PRKAR2B: variants seen among roughly 807,000 people sequenced by gnomAD.
PRKAR2B encodes the protein protein kinase cAMP-dependent type II regulatory subunit beta.
PRKAR2B carries 14 observed loss-of-function variants against 49.9 expected under a neutral mutation model. The observed-to-expected ratio is 0.28, with a 90% CI of 0.19 to 0.44. The LOEUF (loss-of-function observed/expected upper bound fraction) is 0.44. PRKAR2B is among the 20% of genes least tolerant of loss of function. The pLI is 1.00. For synonymous variants in PRKAR2B, 196 were observed against 197.7 expected (o/e 0.99, Z 0.07); for missense variants, 393 against 537.9 (o/e 0.73, Z 2.67).
chr7:107,155,232 T>C (rs564605843), intron 8 of PRKAR2B, among the ~76,000 whole-genome samples: 21 of 152,270 alleles, frequency 1.4e-4, no homozygotes, highest in African/African-American at 5.1e-4. Flanking sequence ...TTCTTGGTTT[T>C]TTAGCAGAAA....
At position 107,157,334 on chromosome 7, in the gene PRKAR2B, G is replaced by T. The variant is rs753654161; in HGVS notation, c.1123+10G>T. ...ACTGTCAAATGTTTAGGTAGGGATT[G>T]CAACAGTGGGCGTGCTTCTGCTGGT... On this transcript the variant is annotated intron_variant, in intron 10 of 10. Transcript: ENST00000265717. 6.2e-7 allele frequency: 1 copy of T among 1,605,344 alleles called. No individual in the cohort carries two copies. Among genetic ancestry groups the T allele is most frequent in the East Asian group, 2.2e-5 (1 of 44,744 alleles).
chr7:107,104,147 T>C (rs187149782), intron 2 of PRKAR2B, among the ~76,000 whole-genome samples: 5 of 152,344 alleles, frequency 3.3e-5, no homozygotes, highest in African/African-American at 9.6e-5. Flanking sequence ...TTCTCCTGCC[T>C]CAGCCTCCCA....
chr7:107,100,690 C>T (rs913995931), intron 2 of PRKAR2B, among the ~76,000 whole-genome samples: 3 of 151,926 alleles, frequency 2.0e-5, no homozygotes, highest in Non-Finnish European at 2.9e-5. Flanking sequence ...TCTTTTTTTC[C>T]GTTTTTCAAA....
intron 2 of PRKAR2B, among the ~76,000 whole-genome samples, chr7:107,073,941 A>G (rs565097422): frequency 5.3e-5 from 8 of 152,154 alleles, no homozygotes; most frequent in Non-Finnish European, 1.2e-4. Context: ...GCGTGCCTAT[A>G]GTCCCAGTTA....
At chr7:107,106,204 C>G (rs1795069340) in intron 2 of PRKAR2B, among the ~76,000 whole-genome samples, 1 of 152,216 alleles carries the variant, frequency 6.6e-6, no homozygotes, top group Non-Finnish European at 1.5e-5. Context: ...AGCCTAACCA[C>G]ACACTTTTCC....
chr7:107,109,816 A>G (rs1795140143), intron 2 of PRKAR2B, among the ~76,000 whole-genome samples: 1 of 152,150 alleles, frequency 6.6e-6, no homozygotes, highest in Non-Finnish European at 1.5e-5. Flanking sequence ...GTCATTAGAT[A>G]CTCCTGTAAA....
chr7:107,144,570 C>T (rs1407595068), intron 5 of PRKAR2B, among the ~76,000 whole-genome samples: 1 of 152,092 alleles, frequency 6.6e-6, no homozygotes, highest in Non-Finnish European at 1.5e-5. Flanking sequence ...AAGCGATCCT[C>T]TTGCCTCAGC....
chr7:107,145,687 G>A (rs537137492), intron 5 of PRKAR2B, among the ~76,000 whole-genome samples: 1 of 149,570 alleles, frequency 6.7e-6, no homozygotes, highest in Non-Finnish European at 1.5e-5. Flanking sequence ...CCAAATTGCT[G>A]GAATTACAGA....
chr7:107,152,077 A>G (rs1272142931), intron 7 of PRKAR2B, among the ~76,000 whole-genome samples: 1 of 152,190 alleles, frequency 6.6e-6, no homozygotes. Flanking sequence ...TTCCCCGCAG[A>G]TGGCAACATA....
chr7:107,141,154 AG>A (rs1173645797), intron 5 of PRKAR2B, among the ~76,000 whole-genome samples: 3 of 152,208 alleles, frequency 2.0e-5, no homozygotes, highest in Non-Finnish European at 4.4e-5. Context: ...TAGTTTATAG[AG>A]GAACTAATGA....
At chr7:107,066,512 G>A (rs1048259084) in intron 1 of PRKAR2B, 29 of 152,128 alleles carry the variant, frequency 1.9e-4, no homozygotes, top group African/African-American at 6.5e-4. Flanking sequence ...CTAAATAAGC[G>A]TCAGTCTCTT....
chr7:107,131,265 A>C (rs746591394), intron 4 of PRKAR2B, among the ~76,000 whole-genome samples: 12 of 152,326 alleles, frequency 7.9e-5, no homozygotes, highest in Non-Finnish European at 1.6e-4. Flanking sequence ...AATCGTTGCT[A>C]ATTATGCTTT....
chr7:107,075,549 A>G (rs899923310), intron 2 of PRKAR2B, among the ~76,000 whole-genome samples: 1 of 151,940 alleles, frequency 6.6e-6, no homozygotes, highest in Non-Finnish European at 1.5e-5. Context: ...ACAGGTGTGC[A>G]CCACAATGCC....
At chr7:107,073,037 C>T (rs956502058) in intron 2 of PRKAR2B, among the ~76,000 whole-genome samples, 1 of 152,036 alleles carries the variant, frequency 6.6e-6, no homozygotes, top group African/African-American at 2.4e-5. Flanking sequence ...GCTATGTGTT[C>T]TATCATTGTT....
At chr7:107,124,805 G>T (rs1226091802) in intron 3 of PRKAR2B, among the ~76,000 whole-genome samples, 7 of 151,936 alleles carry the variant, frequency 4.6e-5, no homozygotes, top group African/African-American at 1.7e-4. Flanking sequence ...TAATGGAAAG[G>T]CAGCAGAAAT....
Position 107,146,404 on chromosome 7 carries a change from C to T in PRKAR2B, c.684C>T (p.Tyr228=), listed in dbSNP as rs1021704313. Residue 228 remains tyrosine, a synonymous_variant, in exon 6 of 11, where the codon TAC becomes TAT. Coordinates refer to ENST00000265717, the MANE Select transcript of PRKAR2B (RefSeq NM_002736.3). The stretch of plus-strand genomic sequence containing the variant: ...GTTTCGGCGAACTGGCCTTAATGTA[C>T]AATACACCCAGAGCAGCTACAATCA... ...RGSFGELALM[Y]NTPRAATITA... 14 of 1,614,156 alleles carry T rather than the reference C, an allele frequency of 8.7e-6. No individual in the cohort carries two copies. Among genetic ancestry groups the T allele is most frequent in the Non-Finnish European group, 1.2e-5 (14 of 1,180,014 alleles).
At chr7:107,051,698 G>A (rs1793807128) in intron 1 of PRKAR2B, among the ~76,000 whole-genome samples, 1 of 151,962 alleles carries the variant, frequency 6.6e-6, no homozygotes, top group African/African-American at 2.4e-5. Context: ...ATTTATAAAT[G>A]TTTCAGCAAT....
chr7:107,082,849 C>T (rs745491248), intron 2 of PRKAR2B, among the ~76,000 whole-genome samples: 17 of 152,238 alleles, frequency 1.1e-4, no homozygotes, highest in Non-Finnish European at 2.4e-4. Context: ...CAGTGCCCGC[C>T]TTGGTCTCCC....
intron 2 of PRKAR2B, among the ~76,000 whole-genome samples, chr7:107,102,106 CT>C (rs1221038867): frequency 6.6e-6 from 1 of 152,108 alleles, no homozygotes; most frequent in Admixed American, 6.5e-5. Flanking sequence ...ACTCTGGAGG[CT>C]GAGGCAGAGA....
Sources: allele counts gnomAD v4.1 joint callset (sites outside exome capture counted in the v4.1 genomes callset), GRCh38; gene constraint gnomAD v4.1.1; transcripts MANE v1.5; gene names NCBI Gene and HGNC (gene_info 2026-07-23, HGNC 2026-07-21).